Variants in ARHGEF2 observed in about 807,000 individuals in gnomAD.
The protein encoded by ARHGEF2 is rho guanine nucleotide exchange factor 2.
A neutral mutation model predicts 121.0 loss-of-function variants in ARHGEF2; 22 were observed. That is an observed-to-expected ratio of 0.18 (90% CI 0.13 to 0.26). ARHGEF2 has a LOEUF of 0.26. Ranked by LOEUF, ARHGEF2 falls within the 10% of genes least tolerant of loss-of-function variation. ARHGEF2 has a pLI of 1.00. For synonymous variants in ARHGEF2, 487 were observed against 530.0 expected (o/e 0.92, Z 1.11); for missense variants, 907 against 1,336.0 (o/e 0.68, Z 5.01).
At chr1:155,971,467 T>G (rs796217225) in intron 1 of ARHGEF2, among the ~76,000 whole-genome samples, 28 of 150,884 alleles carry the variant, frequency 1.9e-4, no homozygotes, top group African/African-American at 6.8e-4. Context: ...TAATCCCAGC[T>G]ACTTGGGAGG....
Position 155,966,836 on chromosome 1 carries a change from G to A in ARHGEF2, c.260C>T (p.Thr87Ile). The A allele has an allele frequency of 6.2e-7, 1 of 1,613,522 alleles. No homozygotes were observed. The highest frequency in any genetic ancestry group is 8.5e-7 in the Non-Finnish European group (1 of 1,179,712). ...NRCKDTLANC[T>I]KVKQKQQKAA... ...CCGTCTCACCTTCTGCTTGACCTTG[G>A]TACAGTTGGCGAGGGTGTCTTTACA... The change falls in exon 3 of 22, where the codon ACC becomes ATC. Residue 87 changes from threonine (T) to isoleucine (I), a missense_variant. Physicochemically the swap from Thr to Ile is moderately conservative, Grantham distance 89 (BLOSUM62 -1). This residue lies in a region of ARHGEF2 where 475 missense variants were observed against 776.5 expected (regional missense o/e 0.61). Coordinates refer to ENST00000361247, the MANE Select transcript of ARHGEF2 (RefSeq NM_001162383.2).
upstream of ARHGEF2, chr1:155,978,693 AGGTACGAG>A: frequency 1.1e-6 from 1 of 945,990 alleles, no homozygotes; most frequent in South Asian, 4.1e-5. The surrounding 1 kb of genome is among the most constrained non-coding windows in gnomAD (Gnocchi z 4.1). Flanking sequence ...CAGCTCGGAG[AGGTACGAG>A]GGTCCTAGGA....
chr1:155,957,272 T>C (rs1676880836), intron 13 of ARHGEF2, among the ~76,000 whole-genome samples: 2 of 152,238 alleles, frequency 1.3e-5, no homozygotes, highest in African/African-American at 4.8e-5. Context: ...TTCTATTGTG[T>C]TGAGTCTGTT....
chr1:155,965,276 G>C lies in ARHGEF2; in HGVS notation c.580+27C>G. ...CCCAGCCCCTCTTCATGTTCCTCAG[G>C]GCTCCCCTGGGCCCAGGCCTGCTCA... On this transcript the variant is annotated intron_variant, in intron 6 of 21. Transcript: ENST00000361247. This position sits in a 1 kb window ranked among gnomAD's most constrained non-coding sequence, Gnocchi z 6.0. 6.2e-7 allele frequency: 1 copy of C among 1,611,272 alleles called. No homozygotes were observed. Among genetic ancestry groups the C allele is most frequent in the Non-Finnish European group, 8.5e-7 (1 of 1,177,456 alleles).
At chr1:155,964,892 C>CAA (rs11295795) in intron 7 of ARHGEF2, 96 bp downstream of exon 7, 3,046 of 1,113,866 alleles carry the variant, frequency 2.7e-3, no homozygotes, top group Non-Finnish European at 3.0e-3. Context: ...GACTCCATCT[C>CAA]AAAAAAAAAA....
rs372544981 is a variant in ARHGEF2, at chr1:155,969,241, G to A, written c.123C>T (p.Leu41=). The A allele has an allele frequency of 6.9e-5, 112 of 1,614,092 alleles. 1 individual carries two copies. The South Asian group carries it at 9.8e-4, about 14-fold the overall frequency. The part of the protein sequence containing the change: ...AKDARYTNGH[L]FTTISVSGMT... ...TGCCTGAAACTGAAATGGTGGTGAA[G>A]AGGTGCCCATTGGTATAGCGGGCAT... The change falls in exon 2 of 22, where the codon CTC becomes CTT. Residue 41 remains leucine, a synonymous_variant. Transcript: ENST00000361247.
intron 14 of ARHGEF2, among the ~76,000 whole-genome samples, chr1:155,953,374 C>A (rs1675922770): frequency 1.3e-5 from 2 of 152,118 alleles, no homozygotes; most frequent in Non-Finnish European, 2.9e-5. Context: ...TCTGGGCACA[C>A]ATGGCTGCCC....
At chr1:155,972,907 T>G (rs961091866) in intron 1 of ARHGEF2, among the ~76,000 whole-genome samples, 8 of 151,956 alleles carry the variant, frequency 5.3e-5, no homozygotes, top group Admixed American at 4.6e-4. Context: ...TCTTGCTATG[T>G]TGCCCAGGCT....
Position 155,961,361 on chromosome 1 carries a change from G to C in ARHGEF2, c.1468+300C>G, listed in dbSNP as rs899212865. Among the ~76,000 whole-genome samples, 1 of 148,646 alleles carries C rather than the reference G, an allele frequency of 6.7e-6. No homozygotes were observed. The highest frequency in any genetic ancestry group is 6.9e-5 in the Admixed American group (1 of 14,598). Reference sequence around the variant, plus strand: ...GCAATCTGGGCTCACTGCAAGCTCCGCCTCCTGGGTTCACGCCATTCTCCT... The same window carrying C: ...GCAATCTGGGCTCACTGCAAGCTCCCCCTCCTGGGTTCACGCCATTCTCCT... On this transcript the variant is annotated intron_variant, in intron 11 of 21. Coordinates refer to ENST00000361247, the MANE Select transcript of ARHGEF2 (RefSeq NM_001162383.2). The surrounding 1 kb of genome is among the most constrained non-coding windows in gnomAD (Gnocchi z 4.7).
At chr1:155,964,156 A>AT (rs1678620817) in intron 7 of ARHGEF2, among the ~76,000 whole-genome samples, 3 of 77,698 alleles carry the variant, frequency 3.9e-5, no homozygotes, top group Non-Finnish European at 7.4e-5. Flanking sequence ...AAAAAAAAAA[A>AT]AAAAAAAAAA....
At chr1:155,963,290 C>T in intron 7 of ARHGEF2, 107 bp from the exon 8 acceptor site, 5 of 1,065,080 alleles carry the variant, frequency 4.7e-6, no homozygotes, top group Non-Finnish European at 6.8e-6. Flanking sequence ...AGGTCCATTC[C>T]AGGTTAATAT....
In ARHGEF2 at chr1:155,950,511, G is replaced by C. The variant is rs1159092336; in HGVS notation, c.2704-29C>G. ...TGGACAGTGGGCAGGAAGAACAGCA[G>C]GTCAGGGACTGAGTAGTGTGAAGAT... is the stretch of plus-strand genomic sequence containing the variant. On this transcript the variant is annotated intron_variant, in intron 20 of 21. Transcript: ENST00000361247. This position sits in a 1 kb window ranked among gnomAD's most constrained non-coding sequence, Gnocchi z 5.2. 1.2e-6 allele frequency: 2 copies of C among 1,605,822 alleles called. No homozygotes were observed. Among genetic ancestry groups the C allele is most frequent in the African/African-American group, 2.7e-5 (2 of 74,832 alleles).
At position 155,966,619 on chromosome 1, in the gene ARHGEF2, A is replaced by G. The variant is rs1030188885; in HGVS notation, c.277-140T>C. On this transcript the variant is annotated intron_variant, in intron 3 of 21. Transcript: ENST00000361247. ...ATGGTTAAGGGGATCAGGGTGATTGAGCCCAGTGCTGTGGGGACATGTCTG... is the reference window on the plus strand; with the variant it reads ...ATGGTTAAGGGGATCAGGGTGATTGGGCCCAGTGCTGTGGGGACATGTCTG... 4 of 1,086,674 alleles carry G rather than the reference A, an allele frequency of 3.7e-6. No homozygotes were observed. The African/African-American group carries it at 6.2e-5, about 17-fold the overall frequency. 67.3% of individuals were successfully genotyped at this position (1,086,674 alleles called of 1,614,324 possible). A position where few individuals can be genotyped will look rare whatever the true frequency, so the allele number is the denominator to read the frequency against.
intron 2 of ARHGEF2, 130 bp from the exon 3 acceptor site, chr1:155,967,017 G>A: frequency 1.2e-6 from 1 of 800,770 alleles, no homozygotes; most frequent in South Asian, 1.5e-5. Context: ...CCGACTTCTG[G>A]GCCATTACCA....
intron 13 of ARHGEF2, among the ~76,000 whole-genome samples, chr1:155,955,171 A>C (rs561932735): frequency 6.6e-6 from 1 of 151,642 alleles, no homozygotes; most frequent in South Asian, 2.1e-4. Context: ...TCTGTCACCC[A>C]GGCTGGAGTG....
Position 155,950,260 on chromosome 1 carries a change from G to A in ARHGEF2, c.2887+39C>T, listed in dbSNP as rs779747806. ...CAGCCCAATGGCCTGTACCCAGGCT[G>A]CACTCTACCTCTGGTCCATGTCTCC... On this transcript the variant is annotated intron_variant, in intron 21 of 21. Coordinates refer to ENST00000361247, the MANE Select transcript of ARHGEF2 (RefSeq NM_001162383.2). This position sits in a 1 kb window ranked among gnomAD's most constrained non-coding sequence, Gnocchi z 5.2. 24 of 1,605,176 alleles carry A rather than the reference G, an allele frequency of 1.5e-5. 1 individual carries two copies. In the East Asian group the frequency reaches 2.0e-4, roughly 13 times the overall value.
intron 1 of ARHGEF2, chr1:155,970,230 C>A: frequency 1.0e-6 from 1 of 985,170 alleles, no homozygotes; most frequent in Non-Finnish European, 1.2e-6. Flanking sequence ...CCGCAGATGG[C>A]GCACACCTTC....
chr1:155,971,300 G>A lies in ARHGEF2; in HGVS notation c.64-2000C>T, dbSNP rs186691041. ...CTCTTTAGAAGTTCAAATTCAGGCT[G>A]GGTGCAGTGGCTCACACCTGCAATC... On this transcript the variant is annotated intron_variant, in intron 1 of 21. Transcript: ENST00000361247. Among the ~76,000 whole-genome samples, 152 of 152,230 alleles carry A rather than the reference G, an allele frequency of 1.0e-3. 1 individual carries two copies. The highest frequency in any genetic ancestry group is 3.4e-3 in the African/African-American group (141 of 41,538).
rs1677393648 is a variant in ARHGEF2 at position 155,959,280 on chromosome 1, ACT to A, written c.1469-886_1469-885del. Among the ~76,000 whole-genome samples, 5 of 151,926 alleles carry A rather than the reference ACT, an allele frequency of 3.3e-5. No individual in the cohort carries two copies. The South Asian group carries it at 8.3e-4, about 25-fold the overall frequency. On this transcript the variant is annotated intron_variant, in intron 11 of 21. Coordinates refer to ENST00000361247, the MANE Select transcript of ARHGEF2 (RefSeq NM_001162383.2). ...TATTATTTTTTTGAGACGGAGTCTC[ACT>A]CTGTCGCCTAGGCTGGAGTGCAGTG...
Sources: gnomAD v4.1 joint callset for allele counts (sites outside exome capture counted in the v4.1 genomes callset) on GRCh38, gnomAD v4.1.1 for gene constraint, gnomAD v4.1.1 regional missense constraint, Gnocchi (gnomAD v3.1) non-coding constraint, MANE v1.5 for transcripts, NCBI Gene and HGNC (gene_info 2026-07-23, HGNC 2026-07-21) for gene names.